ADCY7: variants seen among roughly 807,000 people sequenced by gnomAD.
The protein encoded by ADCY7 is adenylate cyclase 7, also known as adenylate cyclase type 7.
ADCY7 carries 72 observed loss-of-function variants against 120.6 expected under a neutral mutation model. The ratio of observed to expected loss-of-function variants is 0.60; its 90% confidence interval spans 0.49 to 0.73. ADCY7 has a LOEUF of 0.73. Ranked by LOEUF, ADCY7 falls within the 30% of genes least tolerant of loss-of-function variation. ADCY7 has a pLI of 0.00. For missense variants in ADCY7, 1,227 were observed against 1,486.0 expected (o/e 0.83, Z 2.87); for synonymous variants, 661 against 628.0 (o/e 1.05, Z -0.78).
At chr16:50,303,092 GC>G (rs903903542) in intron 10 of ADCY7, among the ~76,000 whole-genome samples, 5 of 152,182 alleles carry the variant, frequency 3.3e-5, no homozygotes, top group African/African-American at 1.2e-4. Flanking sequence ...TTCTCAGGGG[GC>G]TGGGGTGTCT....
chr16:50,280,019 T>C (rs1313442650), intron 1 of ADCY7, among the ~76,000 whole-genome samples: 1 of 152,216 alleles, frequency 6.6e-6, no homozygotes, highest in African/African-American at 2.4e-5. Context: ...GTGGGAATGG[T>C]ACTAGCTCTT....
intron 17 of ADCY7, chr16:50,309,023 C>T: frequency 2.2e-6 from 1 of 459,664 alleles, no homozygotes. Flanking sequence ...GGATGTGATG[C>T]CTTGAGCCAC....
Position 50,293,204 on chromosome 16 carries a change from A to G in ADCY7, c.688-150A>G, listed in dbSNP as rs112938212. ...GGGTTGGTGGAGGACAAGAGCAGAG[A>G]TGGGGACATTGTGGGCAGGGCAGGC... On this transcript the variant is annotated intron_variant, in intron 5 of 25. Coordinates refer to ENST00000673801, the MANE Select transcript of ADCY7 (RefSeq NM_001114.5). The G allele has an allele frequency of 1.8e-4, 154 of 858,742 alleles. 1 individual carries two copies. In the African/African-American group the frequency reaches 2.3e-3, roughly 13 times the overall value. The allele number at this position is 858,742 out of a possible 1,614,324, so 53.2% of individuals were successfully genotyped here. A position where few individuals can be genotyped will look rare whatever the true frequency, so the allele number is the denominator to read the frequency against.
Position 50,317,428 on chromosome 16 carries a change from C to T in ADCY7, c.*1923C>T, listed in dbSNP as rs2036853956. ...TGGCAAGTCAGGAAGGTTTCTGTTG[C>T]TAATATAACATAGAAACACATTAGT... On this transcript the variant is annotated 3_prime_UTR_variant, in exon 26 of 26. Transcript: ENST00000673801. The T allele has an allele frequency of 6.6e-6, 1 of 152,328 alleles. No homozygotes were observed. The highest frequency in any genetic ancestry group is 6.5e-5 in the Admixed American group (1 of 15,278). 9.4% of individuals were successfully genotyped at this position (152,328 alleles called of 1,614,324 possible).
Position 50,305,491 on chromosome 16 carries a change from A to T in ADCY7, c.1596-12A>T. 6.2e-7 allele frequency: 1 copy of T among 1,612,544 alleles called. No homozygotes were observed. The highest frequency in any genetic ancestry group is 1.1e-5 in the South Asian group (1 of 90,880). ...TCGCTGTGCTGATGCAGTTGTGGGT[A>T]TCTGATTCCAGAAGCATGTCCCCCA... is the stretch of plus-strand genomic sequence containing the variant. On this transcript the variant is annotated splice_polypyrimidine_tract_variant and intron_variant, in intron 12 of 25. Transcript: ENST00000673801.
chr16:50,293,290 C>T (rs949539435), intron 5 of ADCY7, 64 bp from the exon 6 acceptor site: 1 of 1,571,800 alleles, frequency 6.4e-7, no homozygotes, highest in Non-Finnish European at 8.7e-7. Context: ...CCTGCCTGTC[C>T]CCCGCTGGTC....
intron 2 of ADCY7, chr16:50,289,141 A>C (rs775171652): frequency 1.0e-5 from 3 of 291,996 alleles, no homozygotes; most frequent in African/African-American, 2.3e-5. Flanking sequence ...ATCATTAATC[A>C]ATCCCTACAT....
chr16:50,277,223 A>G (rs2033951802), intron 1 of ADCY7, among the ~76,000 whole-genome samples: 1 of 152,128 alleles, frequency 6.6e-6, no homozygotes, highest in African/African-American at 2.4e-5. Flanking sequence ...TAGGTATATT[A>G]TTTTCAATCT....
intron 1 of ADCY7, among the ~76,000 whole-genome samples, chr16:50,271,867 C>T (rs1042684604): frequency 6.6e-6 from 1 of 152,206 alleles, no homozygotes; most frequent in African/African-American, 2.4e-5. Context: ...CCGCCTCCCC[C>T]ACCCCCTTGG....
At position 50,315,567 on chromosome 16, in the gene ADCY7, G is replaced by A. The variant is rs2036764483; in HGVS notation, c.*62G>A. 2 of 1,581,694 alleles carry A rather than the reference G, an allele frequency of 1.3e-6. No homozygotes were observed. The highest frequency in any genetic ancestry group is 1.1e-5 in the South Asian group (1 of 89,672). On this transcript the variant is annotated 3_prime_UTR_variant, in exon 26 of 26. Transcript: ENST00000673801. The stretch of plus-strand genomic sequence containing the variant: ...GTCTCCTTCCCTGAAGCAAGCCCAG[G>A]AGAAGACTCTCCGCCCCACGCCAAT...
rs766062947 is a variant in ADCY7 at position 50,312,023 on chromosome 16, C to A, written c.2449-13C>A. 6.2e-7 allele frequency: 1 copy of A among 1,613,804 alleles called. No homozygotes were observed. Among genetic ancestry groups the A allele is most frequent in the South Asian group, 1.1e-5 (1 of 91,082 alleles). On this transcript the variant is annotated splice_polypyrimidine_tract_variant and intron_variant, in intron 20 of 25. Transcript: ENST00000673801. ...GCCTGTGGACGGGGCGCTTATGTTG[C>A]TGCCGTTTGCAGATTGACTATTACT...
At chr16:50,256,649 G>A (rs115577040) in intron 1 of ADCY7, among the ~76,000 whole-genome samples, 50 of 152,244 alleles carry the variant, frequency 3.3e-4, no homozygotes, top group African/African-American at 1.2e-3. Flanking sequence ...GCTGCAGTGA[G>A]CTATGATCAC....
chr16:50,305,326 C>T (rs2035987842), intron 12 of ADCY7, among the ~76,000 whole-genome samples, 177 bp from the exon 13 acceptor site: 1 of 152,196 alleles, frequency 6.6e-6, no homozygotes, highest in East Asian at 1.9e-4. Context: ...GCCAGCTGGG[C>T]CATGCTGGGC....
At chr16:50,276,566 G>A (rs114769309) in intron 1 of ADCY7, among the ~76,000 whole-genome samples, 1 of 152,202 alleles carries the variant, frequency 6.6e-6, no homozygotes, top group Non-Finnish European at 1.5e-5. Context: ...AGAGTCTGTT[G>A]GGTCATGTAA....
chr16:50,292,067 C>T (rs1052747923), intron 4 of ADCY7, among the ~76,000 whole-genome samples, 170 bp downstream of exon 4: 12 of 152,238 alleles, frequency 7.9e-5, no homozygotes, highest in African/African-American at 2.4e-4. Context: ...GGGCTCCAGG[C>T]GTGGCCCTGC....
rs777045209 is a variant in ADCY7, at chr16:50,305,613, C to A, written c.1679+27C>A. ...TGAGGTCTGAGACCTCTGTCCACCC[C>A]CCTCTCCTCTCCCCCTCGGATAGGG... On this transcript the variant is annotated intron_variant, in intron 13 of 25. Coordinates refer to ENST00000673801, the MANE Select transcript of ADCY7 (RefSeq NM_001114.5). 4.4e-6 allele frequency: 7 copies of A among 1,574,104 alleles called. No individual in the cohort carries two copies. The Admixed American group carries it at 6.9e-5, about 16-fold the overall frequency.
chr16:50,293,162 G>T (rs1041540387), intron 5 of ADCY7, among the ~76,000 whole-genome samples, 192 bp from the exon 6 acceptor site: 1 of 152,148 alleles, frequency 6.6e-6, no homozygotes, highest in African/African-American at 2.4e-5. Context: ...GGGTACATGG[G>T]AGGTAGATGC....
At chr16:50,252,593 A>C (rs1337345838) in intron 1 of ADCY7, among the ~76,000 whole-genome samples, 1 of 152,128 alleles carries the variant, frequency 6.6e-6, no homozygotes, top group Non-Finnish European at 1.5e-5. Context: ...CGATGGCAGG[A>C]GCTCACCTTG....
At chr16:50,253,743 C>T (rs963314915) in intron 1 of ADCY7, among the ~76,000 whole-genome samples, 4 of 151,860 alleles carry the variant, frequency 2.6e-5, no homozygotes, top group Admixed American at 1.3e-4. Flanking sequence ...CTAATGACGC[C>T]GCCCAGGCTG....
Sources: gnomAD v4.1 joint callset for allele counts (sites outside exome capture counted in the v4.1 genomes callset) on GRCh38, gnomAD v4.1.1 for gene constraint, MANE v1.5 for transcripts, NCBI Gene and HGNC (gene_info 2026-07-23, HGNC 2026-07-21) for gene names.